ASB10: variants seen among roughly 807,000 people sequenced by gnomAD.
The protein encoded by ASB10 is ankyrin repeat and SOCS box protein 10.
ASB10 carries 44 observed loss-of-function variants against 35.4 expected under a neutral mutation model. The ratio of observed to expected loss-of-function variants is 1.24; its 90% CI spans 0.98 to 1.60. The LOEUF (loss-of-function observed/expected upper bound fraction) is 1.60, where lower values mean the gene tolerates loss of function less well. Among genes scored for constraint, ASB10 ranks in the 40% most tolerant of loss-of-function variants. The probability of loss-of-function intolerance (pLI) is 0.00; values close to 1 mark genes in which losing one functional copy is unlikely to be tolerated. For synonymous variants in ASB10, 294 were observed against 280.4 expected (o/e 1.05, Z -0.49); for missense variants, 647 against 634.3 (o/e 1.02, Z -0.22).
chr7:151,187,196 A>AGAGG lies in ASB10; in HGVS notation c.-67_-66insCCTC. 6.5e-7 allele frequency: 1 copy of AGAGG among 1,540,396 alleles called. No homozygotes were observed. The highest frequency in any genetic ancestry group is 8.8e-7 in the Non-Finnish European group (1 of 1,141,568). On this transcript the variant is annotated 5_prime_UTR_variant, in exon 1 of 6. Coordinates refer to ENST00000420175, the MANE Select transcript of ASB10 (RefSeq NM_001142459.2). The surrounding 1 kb of genome is among the most constrained non-coding windows in gnomAD (Gnocchi z 5.3). Reference sequence around the variant, plus strand: ...GCCAAAGGCAGAGAGAGAGAGAGAGAGCAGGAGGGAAATACAGACAGACAG... The same window carrying AGAGG: ...GCCAAAGGCAGAGAGAGAGAGAGAGAGAGGGCAGGAGGGAAATACAGACAGACAG...
At chr7:151,182,982 G>T (rs1311526569) in intron 2 of ASB10, among the ~76,000 whole-genome samples, 1 of 152,224 alleles carries the variant, frequency 6.6e-6, no homozygotes, top group East Asian at 1.9e-4. Flanking sequence ...ATCACTGGGT[G>T]TGATCTCAGG....
intron 2 of ASB10, among the ~76,000 whole-genome samples, chr7:151,186,027 T>C (rs1053314777): frequency 6.6e-6 from 1 of 152,126 alleles, no homozygotes; most frequent in Admixed American, 6.5e-5. Flanking sequence ...AGGGACTTAG[T>C]TGCTGTTGTG....
rs372100256 is a variant in ASB10 at position 151,181,305 on chromosome 7, G to C, written c.738C>G (p.Ala246=). 43 of 1,613,126 alleles carry C rather than the reference G, an allele frequency of 2.7e-5. 1 individual carries two copies. The highest frequency in any genetic ancestry group is 3.5e-5 in the Non-Finnish European group (41 of 1,180,028). ...RRGACPDARN[A]EGWTPLLAAC... Reference sequence around the variant, plus strand: ...CAGCCAGCAGTGGGGTCCAGCCTTCGGCATTGCGGGCATCAGGACATGCCC... The same window carrying C: ...CAGCCAGCAGTGGGGTCCAGCCTTCCGCATTGCGGGCATCAGGACATGCCC... The change falls in exon 3 of 6, where the codon GCC becomes GCG. Residue 246 remains alanine (A), a synonymous_variant. Coordinates refer to ENST00000420175, the MANE Select transcript of ASB10 (RefSeq NM_001142459.2).
At position 151,187,185 on chromosome 7, in the gene ASB10, G is replaced by T. The variant is rs1357508156; in HGVS notation, c.-55C>A. The stretch of plus-strand genomic sequence containing the variant: ...GAGAGGTATATGCCAAAGGCAGAGA[G>T]AGAGAGAGAGAGCAGGAGGGAAATA... On this transcript the variant is annotated 5_prime_UTR_variant, in exon 1 of 6. Transcript: ENST00000420175. This position sits in a 1 kb window ranked among gnomAD's most constrained non-coding sequence, Gnocchi z 5.3. 6.5e-7 allele frequency: 1 copy of T among 1,547,824 alleles called. No homozygotes were observed. Among genetic ancestry groups the T allele is most frequent in the Non-Finnish European group, 8.7e-7 (1 of 1,144,762 alleles).
chr7:151,186,848 ATC>A lies in ASB10; in HGVS notation c.281_282del (p.Arg94LeufsTer84). On this transcript the variant is annotated frameshift_variant, in exon 1 of 6. Transcript: ENST00000420175. LOFTEE classifies it high-confidence loss of function. ...CGGATGTTGAAGCGGAAATCCCTCC[ATC>A]GCTCTGGGTCGCTGGTATCAAAGAC... ...DSVFDTSDPE[R>X]WRDFRFNIRA... 6.2e-7 allele frequency: 1 copy of A among 1,609,366 alleles called. No individual in the cohort carries two copies.
rs185316733 is a variant in ASB10, at chr7:151,182,637, T to C, written c.585-1179A>G. 3.9e-5 allele frequency among the ~76,000 whole-genome samples: 6 copies of C among 152,296 alleles called. No homozygotes were observed. In the East Asian group the frequency reaches 9.6e-4, roughly 24 times the overall value. On this transcript the variant is annotated intron_variant, in intron 2 of 5. Coordinates refer to ENST00000420175, the MANE Select transcript of ASB10 (RefSeq NM_001142459.2). ...TTGGCCAACTGGATTTACTCCAAGA[T>C]GGCAAGAAGCACAGGGAGTCACAGC...
Position 151,180,999 on chromosome 7 carries a change from G to C in ASB10, c.1044C>G (p.His348Gln). 1 of 1,598,060 alleles carries C rather than the reference G, an allele frequency of 6.3e-7. No individual in the cohort carries two copies. Among genetic ancestry groups the C allele is most frequent in the Admixed American group, 1.7e-5 (1 of 59,552 alleles). ...PAAALAQSPE[H>Q]VVRALLNHGA... ...CATGGTTGAGCAGAGCCCGAACCAC[G>C]TGCTCGGGGCTCTGGGCCAGGGCTG... Residue 348 changes from histidine to glutamine, a missense_variant, in exon 3 of 6, where the codon CAC becomes CAG. Physicochemically the swap from His to Gln is conservative, Grantham distance 24. Transcript: ENST00000420175.
rs1369757689 is a variant in ASB10, at chr7:151,175,820, TC to T, written c.*146del. On this transcript the variant is annotated 3_prime_UTR_variant, in exon 6 of 6. Transcript: ENST00000420175. ...ACCCGGCTGCCGCTGTCGGTCCGCT[TC>T]TCTGCATTGGGAATTGCAGCATCCA... is the stretch of plus-strand genomic sequence containing the variant. 1.8e-5 allele frequency: 8 copies of T among 437,560 alleles called. No individual in the cohort carries two copies. Among genetic ancestry groups the T allele is most frequent in the Non-Finnish European group, 3.2e-5 (8 of 246,748 alleles). 27.1% of individuals were successfully genotyped at this position (437,560 alleles called of 1,614,324 possible).
chr7:151,177,655 C>T (rs1801413609), intron 3 of ASB10, among the ~76,000 whole-genome samples: 1 of 152,144 alleles, frequency 6.6e-6, no homozygotes, highest in Admixed American at 6.5e-5. Context: ...GCTCTGGAGG[C>T]AAGGGAACCC....
chr7:151,184,340 G>A (rs1194896453), intron 2 of ASB10, among the ~76,000 whole-genome samples: 2 of 151,930 alleles, frequency 1.3e-5, no homozygotes, highest in Admixed American at 1.3e-4. Flanking sequence ...GTGAACCCGG[G>A]AGGCGGAGCT....
chr7:151,177,014 A>G (rs1326591073), intron 3 of ASB10, among the ~76,000 whole-genome samples: 1 of 152,258 alleles, frequency 6.6e-6, no homozygotes, highest in East Asian at 1.9e-4. Context: ...GACACCAAGG[A>G]TTGTGGGAAA....
Position 151,181,477 on chromosome 7 carries a change from G to C in ASB10, c.585-19C>G, listed in dbSNP as rs775841752. The C allele has an allele frequency of 1.9e-6, 3 of 1,560,190 alleles. No homozygotes were observed. The highest frequency in any genetic ancestry group is 2.6e-6 in the Non-Finnish European group (3 of 1,148,232). ...CGCACACCTATTGGGGGGAGACGGTGGTGGGGAGGAAAGCGGGCACGGACC... is the reference window on the plus strand; with the variant it reads ...CGCACACCTATTGGGGGGAGACGGTCGTGGGGAGGAAAGCGGGCACGGACC... On this transcript the variant is annotated intron_variant, in intron 2 of 5. Coordinates refer to ENST00000420175, the MANE Select transcript of ASB10 (RefSeq NM_001142459.2).
At chr7:151,180,827 G>A (rs1801470207) in intron 3 of ASB10, 112 bp downstream of exon 3, 1 of 1,404,468 alleles carries the variant, frequency 7.1e-7, no homozygotes, top group Non-Finnish European at 9.2e-7. Context: ...AAGACAGACA[G>A]AAGGAACCAA....
chr7:151,187,599 G>A (rs1384197594), upstream of ASB10: 1 of 1,546,564 alleles, frequency 6.5e-7, no homozygotes, highest in East Asian at 2.5e-5. This position sits in a 1 kb window ranked among gnomAD's most constrained non-coding sequence, Gnocchi z 5.3. Flanking sequence ...CAGAGCAGTG[G>A]TGATGGCCGA....
Position 151,180,926 on chromosome 7 carries a change from G to A in ASB10, c.1104+13C>T. ...CACCATGGTGGCCCTCCTGCTGCCT[G>A]CAGCCCCCATACCTTGGGGAGGGCC... On this transcript the variant is annotated intron_variant, in intron 3 of 5. Transcript: ENST00000420175. The A allele has an allele frequency of 6.7e-7, 1 of 1,490,538 alleles. No homozygotes were observed. The highest frequency in any genetic ancestry group is 8.9e-7 in the Non-Finnish European group (1 of 1,119,444). 92.3% of individuals were successfully genotyped at this position (1,490,538 alleles called of 1,614,324 possible). A position where few individuals can be genotyped will look rare whatever the true frequency, so the allele number is the denominator to read the frequency against.
At position 151,186,814 on chromosome 7, in the gene ASB10, C is replaced by G; in HGVS notation, c.316+1G>C. Reference sequence around the variant, plus strand: ...AGAGCCCCCAGTGCCCCGGCCCGTACTCAGAGCACGGATGTTGAAGCGGAA... The same window carrying G: ...AGAGCCCCCAGTGCCCCGGCCCGTAGTCAGAGCACGGATGTTGAAGCGGAA... On this transcript the variant is annotated splice_donor_variant, in intron 1 of 5. Coordinates refer to ENST00000420175, the MANE Select transcript of ASB10 (RefSeq NM_001142459.2). LOFTEE classifies it high-confidence loss of function. The G allele has an allele frequency of 6.3e-7, 1 of 1,588,640 alleles. No homozygotes were observed. Among genetic ancestry groups the G allele is most frequent in the Non-Finnish European group, 8.6e-7 (1 of 1,164,110 alleles).
In ASB10 at chr7:151,186,604, G is replaced by A. The variant is rs758758478; in HGVS notation, c.372C>T (p.Ala124=). Residue 124 remains alanine (A), a synonymous_variant, in exon 2 of 6, where the codon GCC becomes GCT. Transcript: ENST00000420175. ...EELTTPLHVA[A]SRGHTEVLRL... ...GCAGGACTTCCGTGTGGCCACGGCTGGCTGCCACATGCAGTGGGGTGGTCA... is the reference window on the plus strand; with the variant it reads ...GCAGGACTTCCGTGTGGCCACGGCTAGCTGCCACATGCAGTGGGGTGGTCA... The A allele has an allele frequency of 2.5e-6, 4 of 1,610,530 alleles. No individual in the cohort carries two copies. The African/African-American group carries it at 5.3e-5, about 21-fold the overall frequency.
chr7:151,177,072 C>T (rs567917937), intron 3 of ASB10, among the ~76,000 whole-genome samples: 4 of 152,378 alleles, frequency 2.6e-5, no homozygotes, highest in African/African-American at 9.6e-5. Flanking sequence ...CCCTCAGAAG[C>T]TCCAGAAGGA....
chr7:151,175,959 A>G lies in ASB10; in HGVS notation c.*8T>C, dbSNP rs310597. On this transcript the variant is annotated 3_prime_UTR_variant, in exon 6 of 6. Transcript: ENST00000420175. ...TGCTTTCAGGCCCTCTCAAAAGGCCATGGACATCTGGAAGGAGAGGTTTGG... is the reference window on the plus strand; with the variant it reads ...TGCTTTCAGGCCCTCTCAAAAGGCCGTGGACATCTGGAAGGAGAGGTTTGG... The G allele has an allele frequency of 0.39, 386,970 of 1,003,206 alleles. 78,330 individuals are homozygous for G. The highest frequency in any genetic ancestry group is 0.68 in the African/African-American group (40,643 of 59,818). The allele number at this position is 1,003,206 out of a possible 1,614,324, so 62.1% of individuals were successfully genotyped here.
Sources: allele counts gnomAD v4.1 joint callset (sites outside exome capture counted in the v4.1 genomes callset), GRCh38; gene constraint gnomAD v4.1.1; non-coding constraint Gnocchi (gnomAD v3.1); transcripts MANE v1.5; gene names NCBI Gene and HGNC (gene_info 2026-07-23, HGNC 2026-07-21).